FUBP3: variants seen among roughly 807,000 people sequenced by gnomAD.
The protein encoded by FUBP3 is far upstream element-binding protein 3.
Under a neutral mutation model 85.6 loss-of-function variants are expected in FUBP3, and 28 were observed. That is an observed-to-expected ratio of 0.33 (90% CI 0.24 to 0.45). The LOEUF (loss-of-function observed/expected upper bound fraction) is 0.45. FUBP3 is among the 20% of genes least tolerant of loss of function. FUBP3 has a pLI of 1.00. For synonymous variants in FUBP3, 271 were observed against 271.4 expected (o/e 1.00, Z 0.01); for missense variants, 583 against 755.1 (o/e 0.77, Z 2.67).
rs186632769 is a variant in FUBP3 at position 130,634,896 on chromosome 9, T to G, written c.1582+158T>G. Among the ~76,000 whole-genome samples, 735 of 152,346 alleles carry G rather than the reference T, an allele frequency of 4.8e-3. 6 individuals carry two copies. Among genetic ancestry groups the G allele is most frequent in the African/African-American group, 0.017 (698 of 41,584 alleles). On this transcript the variant is annotated intron_variant, in intron 17 of 18. Transcript: ENST00000319725. ...CGTCCTCCACCCTGTACCTGCCTGC[T>G]TCTTTCTGTCAGGAGTCTGGGCATA...
chr9:130,586,740 A>C (rs953904673), intron 1 of FUBP3, among the ~76,000 whole-genome samples: 1 of 145,422 alleles, frequency 6.9e-6, no homozygotes, highest in Non-Finnish European at 1.5e-5. Flanking sequence ...AGGTGGCTGA[A>C]GCAGCAATCT....
rs1221233092 is a variant in FUBP3 at position 130,635,373 on chromosome 9, G to C, written c.1583-626G>C. 1.3e-5 allele frequency among the ~76,000 whole-genome samples: 2 copies of C among 152,248 alleles called. No homozygotes were observed. The highest frequency in any genetic ancestry group is 4.8e-5 in the African/African-American group (2 of 41,460). ...TACTAGACCGGAGGACTGAGGGCTT[G>C]TTTAAAGAGGTATCTCACGTGCCTT... On this transcript the variant is annotated intron_variant, in intron 17 of 18. Transcript: ENST00000319725. The surrounding 1 kb of genome is among the most constrained non-coding windows in gnomAD (Gnocchi z 4.3).
chr9:130,606,363 T>C (rs759437216), intron 2 of FUBP3, among the ~76,000 whole-genome samples: 2 of 152,038 alleles, frequency 1.3e-5, no homozygotes, highest in African/African-American at 4.8e-5. Context: ...TTTACAGTTA[T>C]AAAAACTGGT....
intron 18 of FUBP3, 137 bp downstream of exon 18, chr9:130,636,263 C>G (rs1830414974): frequency 1.1e-6 from 1 of 877,290 alleles, no homozygotes; most frequent in African/African-American, 1.6e-5. Context: ...CTCAGCGAGG[C>G]TGCTTCTGCT....
At chr9:130,609,579 T>G (rs1356831357) in intron 2 of FUBP3, among the ~76,000 whole-genome samples, 1 of 152,172 alleles carries the variant, frequency 6.6e-6, no homozygotes, top group Non-Finnish European at 1.5e-5. Flanking sequence ...AATCTTCTCA[T>G]TTGTTTTTAA....
chr9:130,584,915 C>G (rs1830279548), intron 1 of FUBP3, among the ~76,000 whole-genome samples: 1 of 151,934 alleles, frequency 6.6e-6, no homozygotes, highest in South Asian at 2.1e-4. Flanking sequence ...GTAATCCCAG[C>G]ACTTTGGGAG....
chr9:130,612,636 C>T lies in FUBP3; in HGVS notation c.274+131C>T. The stretch of plus-strand genomic sequence containing the variant: ...TGTGAGTATCACCTGTAGTAGAATG[C>T]TTTGCACATGCCATTCCCCACAGCT... On this transcript the variant is annotated intron_variant, in intron 4 of 18. Coordinates refer to ENST00000319725, the MANE Select transcript of FUBP3 (RefSeq NM_003934.2). This position sits in a 1 kb window ranked among gnomAD's most constrained non-coding sequence, Gnocchi z 4.1. 1 of 709,820 alleles carries T rather than the reference C, an allele frequency of 1.4e-6. No homozygotes were observed. Among genetic ancestry groups the T allele is most frequent in the South Asian group, 1.6e-5 (1 of 62,278 alleles). 44.0% of individuals were successfully genotyped at this position (709,820 alleles called of 1,614,324 possible). A position where few individuals can be genotyped will look rare whatever the true frequency, so the allele number is the denominator to read the frequency against.
intron 1 of FUBP3, among the ~76,000 whole-genome samples, chr9:130,591,949 G>A (rs1830642971): frequency 1.3e-5 from 2 of 152,122 alleles, no homozygotes; most frequent in Admixed American, 6.6e-5. Context: ...GAAGAGAAAA[G>A]GGCCAGGCGC....
chr9:130,587,642 C>CT (rs1830410754), intron 1 of FUBP3, among the ~76,000 whole-genome samples: 1 of 152,120 alleles, frequency 6.6e-6, no homozygotes, highest in Non-Finnish European at 1.5e-5. Flanking sequence ...GAACGTGGAC[C>CT]TTTTTGAGAC....
At position 130,636,039 on chromosome 9, in the gene FUBP3, G is replaced by T. The variant is rs141995643; in HGVS notation, c.1623G>T (p.Pro541=). The T allele has an allele frequency of 1.2e-6, 2 of 1,611,072 alleles. No individual in the cohort carries two copies. Among genetic ancestry groups the T allele is most frequent in the Middle Eastern group, 1.7e-4 (1 of 6,054 alleles). The part of the protein sequence containing the change: ...ASAAPQASSP[P]DYTMAWAEYY... The stretch of plus-strand genomic sequence containing the variant: ...CTGCTCCTCAGGCCAGCTCCCCACC[G>T]GACTACACAATGGCCTGGGCAGAAT... Residue 541 remains proline, a synonymous_variant, in exon 18 of 19, where the codon CCG becomes CCT. Transcript: ENST00000319725.
intron 1 of FUBP3, among the ~76,000 whole-genome samples, chr9:130,582,700 G>C (rs751517614): frequency 6.6e-6 from 1 of 152,162 alleles, no homozygotes; most frequent in African/African-American, 2.4e-5. Flanking sequence ...ACCTCTGGAT[G>C]AGTAGATCCA....
intron 1 of FUBP3, among the ~76,000 whole-genome samples, chr9:130,586,946 T>C (rs1313679232): frequency 6.6e-6 from 1 of 152,028 alleles, no homozygotes; most frequent in African/African-American, 2.4e-5. Context: ...AGACGGGGTT[T>C]CACCGTGCTA....
intron 1 of FUBP3, among the ~76,000 whole-genome samples, chr9:130,586,151 A>G (rs1299750640): frequency 6.6e-6 from 1 of 152,120 alleles, no homozygotes; most frequent in African/African-American, 2.4e-5. Flanking sequence ...CGCCACTCCC[A>G]GCCTACATTT....
At chr9:130,607,804 T>C (rs1034396298) in intron 2 of FUBP3, among the ~76,000 whole-genome samples, 3 of 152,204 alleles carry the variant, frequency 2.0e-5, no homozygotes, top group Non-Finnish European at 4.4e-5. Flanking sequence ...GGAGATGATT[T>C]ATCCTTCCTA....
chr9:130,610,105 G>C, intron 3 of FUBP3, 118 bp downstream of exon 3: 3 of 822,344 alleles, frequency 3.6e-6, no homozygotes, highest in Non-Finnish European at 6.1e-6. Flanking sequence ...CATGGGTTAG[G>C]CTTCTTTAAG....
At chr9:130,621,954 A>G (rs932787182) in intron 9 of FUBP3, among the ~76,000 whole-genome samples, 6 of 152,030 alleles carry the variant, frequency 3.9e-5, no homozygotes, top group Admixed American at 3.3e-4. Context: ...TATTATTCCT[A>G]AAAGGGAAAA....
chr9:130,579,802 G>T (rs745522865), intron 1 of FUBP3, 38 bp downstream of exon 1: 24 of 1,208,358 alleles, frequency 2.0e-5, no homozygotes, highest in Non-Finnish European at 5.2e-6. Flanking sequence ...ACGAGATCCC[G>T]AGGCGGGGCC....
chr9:130,614,065 C>T (rs11795269), intron 5 of FUBP3, among the ~76,000 whole-genome samples: 51,519 of 152,174 alleles, frequency 0.34, 9,993 homozygotes, highest in African/African-American at 0.53. Flanking sequence ...ACCTCTGTCA[C>T]GTCCTTCTAG....
chr9:130,595,214 G>A (rs1190465312), intron 1 of FUBP3, among the ~76,000 whole-genome samples: 2 of 116,604 alleles, frequency 1.7e-5, no homozygotes, highest in Admixed American at 1.0e-4. Flanking sequence ...CAACAAGAGC[G>A]AAACTCCGTC....
Sources: gnomAD v4.1 joint callset for allele counts (sites outside exome capture counted in the v4.1 genomes callset) on GRCh38, gnomAD v4.1.1 for gene constraint, Gnocchi (gnomAD v3.1) non-coding constraint, MANE v1.5 for transcripts, NCBI Gene and HGNC (gene_info 2026-07-23, HGNC 2026-07-21) for gene names.